Variants in TTLL7 observed in about 807,000 individuals in gnomAD.
The protein encoded by TTLL7 is tubulin tyrosine ligase like 7, also known as tubulin polyglutamylase TTLL7.
In TTLL7, 53 loss-of-function variants were observed where a neutral mutation model predicts 120.2. The observed-to-expected ratio is 0.44, with a 90% CI of 0.35 to 0.55. The LOEUF (loss-of-function observed/expected upper bound fraction) is 0.55, where lower values mean the gene tolerates loss of function less well. Ranked by LOEUF, TTLL7 falls within the 20% of genes least tolerant of loss-of-function variation. TTLL7 has a pLI of 0.00. For missense variants in TTLL7, 803 were observed against 1,054.7 expected (o/e 0.76, Z 3.31); for synonymous variants, 353 against 351.7 (o/e 1.00, Z -0.04).
At chr1:83,908,343 A>G (rs1657383798) in intron 15 of TTLL7, among the ~76,000 whole-genome samples, 1 of 152,082 alleles carries the variant, frequency 6.6e-6, no homozygotes, top group Non-Finnish European at 1.5e-5. Context: ...AAACAGTAAT[A>G]AAACAAAAGA....
intron 17 of TTLL7, among the ~76,000 whole-genome samples, chr1:83,904,970 C>G (rs1461776133): frequency 6.6e-6 from 1 of 151,760 alleles, no homozygotes; most frequent in African/African-American, 2.4e-5. Context: ...ATTATATAAG[C>G]CTATATACAT....
chr1:83,956,842 G>A (rs1649573648), intron 1 of TTLL7, among the ~76,000 whole-genome samples: 1 of 152,132 alleles, frequency 6.6e-6, no homozygotes, highest in Non-Finnish European at 1.5e-5. Flanking sequence ...GAGCAGTTGT[G>A]GCCTGCTATG....
chr1:83,956,872 G>A (rs1649577378), intron 1 of TTLL7, among the ~76,000 whole-genome samples: 1 of 152,180 alleles, frequency 6.6e-6, no homozygotes, highest in South Asian at 2.1e-4. Flanking sequence ...GGGGCTAAGG[G>A]AGACTTACTT....
intron 3 of TTLL7, among the ~76,000 whole-genome samples, chr1:83,950,229 G>A (rs1390970442): frequency 2.0e-5 from 3 of 151,980 alleles, no homozygotes. Flanking sequence ...GGTTTAACAG[G>A]TACACAAAAC....
In TTLL7 at chr1:83,870,101, A is replaced by C. The variant is rs763188937; in HGVS notation, c.2544-19T>G. On this transcript the variant is annotated intron_variant, in intron 20 of 20. Transcript: ENST00000260505. ...TAAATACCTAAAAATGATGGTTAAC[A>C]AATTAGATTTTTACAAGCAAATTAT... 14 of 1,534,880 alleles carry C rather than the reference A, an allele frequency of 9.1e-6. No individual in the cohort carries two copies. Among genetic ancestry groups the C allele is most frequent in the Non-Finnish European group, 1.2e-5 (14 of 1,149,206 alleles).
chr1:83,963,313 G>T (rs1557749655), intron 1 of TTLL7, among the ~76,000 whole-genome samples: 1 of 152,032 alleles, frequency 6.6e-6, no homozygotes, highest in African/African-American at 2.4e-5. Context: ...AAGAAGACAG[G>T]TTCTTTTGTG....
intron 17 of TTLL7, among the ~76,000 whole-genome samples, chr1:83,904,880 A>G (rs1657049787): frequency 6.6e-6 from 1 of 152,110 alleles, no homozygotes; most frequent in Admixed American, 6.6e-5. Context: ...TGTAGTAAAC[A>G]GATTAAAATA....
intron 14 of TTLL7, 119 bp downstream of exon 14, chr1:83,917,485 T>C (rs1658289039): frequency 1.5e-6 from 1 of 675,508 alleles, no homozygotes. Context: ...TTACCTGCAC[T>C]GGGCACACAG....
Position 83,951,829 on chromosome 1 carries a change from T to C in TTLL7, c.157+16A>G. 6.2e-7 allele frequency: 1 copy of C among 1,602,344 alleles called. No homozygotes were observed. Among genetic ancestry groups the C allele is most frequent in the Middle Eastern group, 1.7e-4 (1 of 5,976 alleles). ...GCAATTATGAGAATCCCATGATTGC[T>C]TCTAAGGAAACCTACCAATTTCAAA... On this transcript the variant is annotated intron_variant, in intron 3 of 20. Transcript: ENST00000260505.
chr1:83,911,980 C>T (rs1657716745), intron 14 of TTLL7, among the ~76,000 whole-genome samples: 1 of 152,128 alleles, frequency 6.6e-6, no homozygotes. Flanking sequence ...CCTTACAAGA[C>T]TAACTGGCTG....
At chr1:83,920,980 G>T (rs1330015377) in intron 12 of TTLL7, 107 bp downstream of exon 12, 4 of 1,214,228 alleles carry the variant, frequency 3.3e-6, no homozygotes, top group Non-Finnish European at 4.6e-6. Flanking sequence ...GCACTTGCTT[G>T]GAATGAAAGA....
chr1:83,909,745 A>G (rs1657521933), intron 15 of TTLL7, among the ~76,000 whole-genome samples: 1 of 152,112 alleles, frequency 6.6e-6, no homozygotes, highest in Admixed American at 6.6e-5. Context: ...ACAAAGAACA[A>G]TCTCAGAGCT....
Position 83,866,891 on chromosome 1 carries a change from T to A in TTLL7, c.*3071A>T, listed in dbSNP as rs1406684859. ...TGCAGTCTCAGACTACGTTTGTAAG[T>A]GATGATTTAAAATAAAAAAGGTTGT... On this transcript the variant is annotated 3_prime_UTR_variant, in exon 21 of 21. Transcript: ENST00000260505. 2 of 151,988 alleles carry A rather than the reference T, an allele frequency of 1.3e-5. No individual in the cohort carries two copies. The highest frequency in any genetic ancestry group is 4.8e-5 in the African/African-American group (2 of 41,442). The allele number at this position is 151,988 out of a possible 1,614,324, so 9.4% of individuals were successfully genotyped here. A position where few individuals can be genotyped will look rare whatever the true frequency, so the allele number is the denominator to read the frequency against.
At chr1:83,892,188 C>T (rs1431778313) in intron 18 of TTLL7, among the ~76,000 whole-genome samples, 4 of 146,822 alleles carry the variant, frequency 2.7e-5, no homozygotes, top group Non-Finnish European at 6.0e-5. Flanking sequence ...GGGGAATACA[C>T]ATAAACATTA....
intron 6 of TTLL7, among the ~76,000 whole-genome samples, chr1:83,943,503 C>T (rs2100844242): frequency 6.6e-6 from 1 of 152,286 alleles, no homozygotes; most frequent in African/African-American, 2.4e-5. Context: ...CAGCCATCTA[C>T]AAAAATTGGG....
chr1:83,996,948 C>T (rs1253787871), intron 1 of TTLL7, among the ~76,000 whole-genome samples: 1 of 151,684 alleles, frequency 6.6e-6, no homozygotes, highest in Non-Finnish European at 1.5e-5. Context: ...TAGGATTAAA[C>T]AGATTGGATT....
At chr1:83,954,817 C>A (rs1375630054) in intron 1 of TTLL7, among the ~76,000 whole-genome samples, 1 of 142,216 alleles carries the variant, frequency 7.0e-6, no homozygotes, top group Non-Finnish European at 1.5e-5. Context: ...TTAAAAAGAC[C>A]AAATAGGTAA....
chr1:83,887,280 C>T (rs1027660439), intron 19 of TTLL7: 35 of 1,169,430 alleles, frequency 3.0e-5, no homozygotes, highest in South Asian at 1.4e-4. Flanking sequence ...AGATTTTACA[C>T]GTAACTGTGA....
At chr1:83,962,871 A>C (rs1650129733) in intron 1 of TTLL7, among the ~76,000 whole-genome samples, 1 of 152,128 alleles carries the variant, frequency 6.6e-6, no homozygotes, top group African/African-American at 2.4e-5. Flanking sequence ...GCTCCAGAGA[A>C]AGTAAACCTC....
Sources: gnomAD v4.1 joint callset for allele counts (sites outside exome capture counted in the v4.1 genomes callset) on GRCh38, gnomAD v4.1.1 for gene constraint, MANE v1.5 for transcripts, NCBI Gene and HGNC (gene_info 2026-07-23, HGNC 2026-07-21) for gene names.